Variants in KIF19 observed in about 807,000 individuals in gnomAD.
KIF19 encodes the protein kinesin-like protein KIF19.
Under a neutral mutation model 106.6 loss-of-function variants are expected in KIF19, and 98 were observed. The observed-to-expected ratio is 0.92, with a 90% CI of 0.78 to 1.09. The LOEUF is 1.09. Among genes scored for constraint, KIF19 ranks in the 50% least tolerant of loss-of-function variants. The probability of loss-of-function intolerance (pLI) is 0.00; values close to 1 mark genes in which losing one functional copy is unlikely to be tolerated. For synonymous variants in KIF19, 516 were observed against 584.2 expected, an observed-to-expected ratio of 0.88 and a Z score of 1.68; for missense variants, 1,373 against 1,414.3, an observed-to-expected ratio of 0.97 and a Z score of 0.47.
rs2054672881 is a variant in KIF19 at position 74,350,628 on chromosome 17, G to A, written c.1388+53G>A. On this transcript the variant is annotated intron_variant, in intron 11 of 19. Coordinates refer to ENST00000389916, the MANE Select transcript of KIF19 (RefSeq NM_153209.4). Reference sequence around the variant, plus strand: ...GCCCCACCCCTGTGCCTGGGACAGAGGAGCACGACCTGTGGCTGTACAGTG... The same window carrying A: ...GCCCCACCCCTGTGCCTGGGACAGAAGAGCACGACCTGTGGCTGTACAGTG... 3 of 1,609,558 alleles carry A rather than the reference G, an allele frequency of 1.9e-6. No individual in the cohort carries two copies. The Admixed American group carries it at 5.0e-5, about 27-fold the overall frequency.
rs143856706 is a variant in KIF19, at chr17:74,350,027, G to A, written c.1214-374G>A. ...TTGGCCAGGCTGGTCTCGAACTCCC[G>A]ACCTCAGGTGATCTGCCTGCCTAGG... On this transcript the variant is annotated intron_variant, in intron 10 of 19. Transcript: ENST00000389916. Among the ~76,000 whole-genome samples, 1,372 of 152,302 alleles carry A rather than the reference G, an allele frequency of 9.0e-3. 19 individuals are homozygous for A. The highest frequency in any genetic ancestry group is 0.031 in the African/African-American group (1,270 of 41,544).
At chr17:74,330,182 A>G (rs1227580728) in intron 2 of KIF19, among the ~76,000 whole-genome samples, 1 of 152,252 alleles carries the variant, frequency 6.6e-6, no homozygotes, top group Non-Finnish European at 1.5e-5. Context: ...TAAATGGGTC[A>G]GACCCAGCTG....
chr17:74,336,533 C>A (rs571967007), intron 2 of KIF19, among the ~76,000 whole-genome samples: 31 of 152,340 alleles, frequency 2.0e-4, no homozygotes, highest in Middle Eastern at 6.8e-3. Context: ...CTGCAACAAC[C>A]CCATTTCCAA....
rs140680475 is a variant in KIF19, at chr17:74,330,351, C to T, written c.120+1846C>T. ...TAGAGGGTCTTTGTAGGCTAATGTA[C>T]GCACATGCTTACCCAGTCCTTGGCA... On this transcript the variant is annotated intron_variant, in intron 2 of 19. Coordinates refer to ENST00000389916, the MANE Select transcript of KIF19 (RefSeq NM_153209.4). Among the ~76,000 whole-genome samples, 25 of 152,280 alleles carry T rather than the reference C, an allele frequency of 1.6e-4. No homozygotes were observed. The South Asian group carries it at 2.9e-3, about 18-fold the overall frequency.
At chr17:74,343,213 G>A (rs2054433779) in intron 5 of KIF19, 53 bp downstream of exon 5, 1 of 1,588,966 alleles carries the variant, frequency 6.3e-7, no homozygotes, top group Admixed American at 1.7e-5. Context: ...CCTGGGGCTG[G>A]TCACTGTGCA....
chr17:74,348,629 C>T (rs966967735), intron 9 of KIF19: 5 of 161,726 alleles, frequency 3.1e-5, no homozygotes, highest in African/African-American at 1.2e-4. Context: ...GAGACACATT[C>T]TTGAAACAGC....
intron 2 of KIF19, among the ~76,000 whole-genome samples, chr17:74,334,500 G>C (rs746873001): frequency 6.6e-6 from 1 of 152,160 alleles, no homozygotes; most frequent in Non-Finnish European, 1.5e-5. Context: ...TCTCAGAATC[G>C]TATAGCCAGG....
intron 1 of KIF19, among the ~76,000 whole-genome samples, chr17:74,327,944 C>T (rs2053958650): frequency 1.3e-5 from 2 of 152,170 alleles, no homozygotes; most frequent in Admixed American, 6.5e-5. Flanking sequence ...TGGGGGTGGG[C>T]GCTCTAGGTG....
chr17:74,336,806 T>C (rs1250962477), intron 2 of KIF19, among the ~76,000 whole-genome samples: 2 of 151,892 alleles, frequency 1.3e-5, no homozygotes, highest in African/African-American at 4.8e-5. Flanking sequence ...ATAATAAGAG[T>C]GCCCTCTCTT....
At chr17:74,339,746 G>A (rs867715727) in intron 2 of KIF19, among the ~76,000 whole-genome samples, 22 of 152,340 alleles carry the variant, frequency 1.4e-4, no homozygotes, top group African/African-American at 4.8e-4. Flanking sequence ...GAGCCCAGGC[G>A]TCCCCAGGCG....
chr17:74,350,271 A>G, intron 10 of KIF19, 130 bp from the exon 11 acceptor site: 1 of 803,184 alleles, frequency 1.2e-6, no homozygotes, highest in South Asian at 1.8e-5. Context: ...GTCTTCCTGG[A>G]GGAAGCAGTT....
chr17:74,334,660 C>T (rs2054178408), intron 2 of KIF19, among the ~76,000 whole-genome samples: 1 of 152,188 alleles, frequency 6.6e-6, no homozygotes, highest in South Asian at 2.1e-4. Context: ...TTCCTGGGAT[C>T]AACGTTGCCT....
In KIF19 at chr17:74,349,253, G is replaced by A. The variant is rs138536879; in HGVS notation, c.1117G>A (p.Gly373Ser). ...CACCAGCATCATCGCTGACCTGCGG[G>A]GCGAGATCCAGCGACTCAAGCGCAA... The part of the protein sequence containing the change: ...QYTSIIADLR[G>S]EIQRLKRKID... Residue 373 changes from glycine to serine, a missense_variant, in exon 10 of 20, where the codon GGC becomes AGC. Transcript: ENST00000389916. The A allele has an allele frequency of 1.5e-5, 24 of 1,613,532 alleles. No individual in the cohort carries two copies. In the Middle Eastern group the frequency reaches 6.6e-4, roughly 44 times the overall value.
In KIF19 at chr17:74,326,302, T is replaced by G; in HGVS notation, c.-48T>G. 1 of 1,581,154 alleles carries G rather than the reference T, an allele frequency of 6.3e-7. No individual in the cohort carries two copies. The highest frequency in any genetic ancestry group is 1.1e-5 in the South Asian group (1 of 88,022). ...GACCCGGAGGCGGTGGGGGTGCGGC[T>G]GAGCCATGCCCGGTGGCGCGGCCTG... On this transcript the variant is annotated 5_prime_UTR_variant, in exon 1 of 20. Coordinates refer to ENST00000389916, the MANE Select transcript of KIF19 (RefSeq NM_153209.4).
rs987637875 is a variant in KIF19 at position 74,353,565 on chromosome 17, C to T, written c.2292C>T (p.Ile764=). 15 of 1,613,594 alleles carry T rather than the reference C, an allele frequency of 9.3e-6. No homozygotes were observed. The highest frequency in any genetic ancestry group is 1.1e-5 in the Non-Finnish European group (13 of 1,179,714). The change falls in exon 17 of 20, where the codon ATC becomes ATT. Residue 764 remains isoleucine, a synonymous_variant. Transcript: ENST00000389916. The stretch of plus-strand genomic sequence containing the variant: ...ACAGCAGTGAGAACCTGTCGGAGAT[C>T]CCCTTGTCCCACAAAGGTATGTGTG... ...SPDSSENLSE[I]PLSHKERKEI...
chr17:74,326,481 C>A, intron 1 of KIF19, 93 bp downstream of exon 1: 2 of 1,242,852 alleles, frequency 1.6e-6, no homozygotes, highest in Non-Finnish European at 2.3e-6. Flanking sequence ...GCCGCCACCC[C>A]ACTGAGAGGA....
At chr17:74,336,068 T>C (rs1248633171) in intron 2 of KIF19, among the ~76,000 whole-genome samples, 1 of 152,168 alleles carries the variant, frequency 6.6e-6, no homozygotes, top group Non-Finnish European at 1.5e-5. Context: ...CTTGGCTTTA[T>C]GCTTATTTAT....
rs200283107 is a variant in KIF19, at chr17:74,342,003, G to A, written c.231+17G>A. The A allele has an allele frequency of 7.0e-5, 111 of 1,579,176 alleles. No individual in the cohort carries two copies. In the African/African-American group the frequency reaches 1.5e-3, roughly 22 times the overall value. On this transcript the variant is annotated intron_variant, in intron 3 of 19. Transcript: ENST00000389916. ...GCCACCCAGGTGAGGGAGGGCCTGG[G>A]CTGGAGACACGCAGGAGCCCCTCCC...
intron 6 of KIF19, 70 bp downstream of exon 6, chr17:74,344,418 G>T: frequency 6.4e-7 from 1 of 1,561,502 alleles, no homozygotes. Flanking sequence ...GAGGGGCGGG[G>T]ACAGAAGCCA....
Sources: allele counts gnomAD v4.1 joint callset (sites outside exome capture counted in the v4.1 genomes callset), GRCh38; gene constraint gnomAD v4.1.1; transcripts MANE v1.5; gene names NCBI Gene and HGNC (gene_info 2026-07-23, HGNC 2026-07-21).